ATP1A4: variants seen among roughly 807,000 people sequenced by gnomAD.
The protein encoded by ATP1A4 is sodium/potassium-transporting ATPase subunit alpha-4.
Under a neutral mutation model 114.3 loss-of-function variants are expected in ATP1A4, and 90 were observed. The observed-to-expected ratio is 0.79, with a 90% CI of 0.66 to 0.94. The LOEUF (loss-of-function observed/expected upper bound fraction) is 0.94. Among genes scored for constraint, ATP1A4 ranks in the 40% least tolerant of loss-of-function variants. ATP1A4 has a pLI of 0.00. For missense variants in ATP1A4, 1,222 were observed against 1,313.6 expected (o/e 0.93, Z 1.08); for synonymous variants, 511 against 494.1 (o/e 1.03, Z -0.45).
At chr1:160,185,995 TA>T (rs1443712109) in intron 20 of ATP1A4, among the ~76,000 whole-genome samples, 3 of 141,514 alleles carry the variant, frequency 2.1e-5, no homozygotes, top group Admixed American at 1.5e-4. Context: ...CTCAGGAGGC[TA>T]AGGCATGAGA....
chr1:160,171,198 CT>C (rs1571025018), intron 10 of ATP1A4, 52 bp from the exon 11 acceptor site: 2 of 1,499,098 alleles, frequency 1.3e-6, no homozygotes, highest in Non-Finnish European at 9.0e-7. Context: ...CTTTTTGCCC[CT>C]GATCCTTGGT....
At chr1:160,158,887 G>GT in intron 4 of ATP1A4, 115 bp from the exon 5 acceptor site, 7 of 1,136,714 alleles carry the variant, frequency 6.2e-6, no homozygotes, top group Admixed American at 2.6e-5. Context: ...TGTGGTGGGT[G>GT]ACAGTAAGAA....
Position 160,171,406 on chromosome 1 carries a change from C to T in ATP1A4, c.1647C>T (p.Tyr549=), listed in dbSNP as rs625549. The part of the protein sequence containing the change: ...DEMKEAFQNA[Y]LELGGLGERV... The stretch of plus-strand genomic sequence containing the variant: ...TGAAGGAAGCCTTCCAAAATGCCTA[C>T]TTAGAACTGGGAGGTCTGGGGGAAC... Residue 549 remains tyrosine, a synonymous_variant, in exon 11 of 22, where the codon TAC becomes TAT. Transcript: ENST00000368081. 1 allele frequency: 1,612,160 copies of T among 1,614,176 alleles called. 805,097 individuals are homozygous for T. Among genetic ancestry groups the T allele is most frequent in the East Asian group, 1 (44,880 of 44,880 alleles).
chr1:160,184,554 A>G (rs1653817335), intron 20 of ATP1A4, among the ~76,000 whole-genome samples: 1 of 152,178 alleles, frequency 6.6e-6, no homozygotes, highest in African/African-American at 2.4e-5. Context: ...CTCTAAAAAA[A>G]ACATTAAATG....
intron 6 of ATP1A4, among the ~76,000 whole-genome samples, chr1:160,161,352 G>A (rs1333714620): frequency 2.0e-5 from 3 of 152,112 alleles, no homozygotes; most frequent in Non-Finnish European, 4.4e-5. Flanking sequence ...TTCTCTTTGG[G>A]TTCTCATGCA....
chr1:160,182,084 C>A, intron 20 of ATP1A4, 53 bp downstream of exon 20: 1 of 1,434,068 alleles, frequency 7.0e-7, no homozygotes, highest in Non-Finnish European at 9.8e-7. Context: ...GGGGAGCATA[C>A]AGAGGAAGGG....
At position 160,173,632 on chromosome 1, in the gene ATP1A4, G is replaced by T. The variant is rs147400973; in HGVS notation, c.1906G>T (p.Gly636Cys). Reference protein sequence around the residue: ...HPITAKAIAKGVGIISEGTET... With the variant: ...HPITAKAIAKCVGIISEGTET... Reference sequence around the variant, plus strand: ...CATTACAGCTAAGGCCATTGCCAAGGGTGTGGGCATCATCTCAGAAGGCAC... The same window carrying T: ...CATTACAGCTAAGGCCATTGCCAAGTGTGTGGGCATCATCTCAGAAGGCAC... The change falls in exon 13 of 22, where the codon GGT becomes TGT. Residue 636 changes from glycine to cysteine, a missense_variant. Coordinates refer to ENST00000368081, the MANE Select transcript of ATP1A4 (RefSeq NM_144699.4). The T allele has an allele frequency of 7.4e-6, 12 of 1,614,064 alleles. No homozygotes were observed. Among genetic ancestry groups the T allele is most frequent in the African/African-American group, 1.3e-5 (1 of 74,928 alleles).
rs1235315277 is a variant in ATP1A4 at position 160,171,583 on chromosome 1, A to G, written c.1682-2A>G. 6.2e-7 allele frequency: 1 copy of G among 1,613,398 alleles called. No homozygotes were observed. Among genetic ancestry groups the G allele is most frequent in the East Asian group, 2.2e-5 (1 of 44,884 alleles). Reference sequence around the variant, plus strand: ...CTGGTCCCTCCCTCTGTCTCTCTCCAGGCTTCTGCTTCTTGAATCTGCCTA... The same window carrying G: ...CTGGTCCCTCCCTCTGTCTCTCTCCGGGCTTCTGCTTCTTGAATCTGCCTA... On this transcript the variant is annotated splice_acceptor_variant, in intron 11 of 21. Transcript: ENST00000368081. LOFTEE classifies it high-confidence loss of function.
Position 160,167,422 on chromosome 1 carries a change from C to A in ATP1A4, c.1491+10C>A, listed in dbSNP as rs1363997936. 1.2e-6 allele frequency: 2 copies of A among 1,610,378 alleles called. No homozygotes were observed. The highest frequency in any genetic ancestry group is 1.7e-6 in the Non-Finnish European group (2 of 1,179,064). ...TACCAACAAGTACCAGGTACAGAAC[C>A]CACAAAGGTAGGAGAATGGTGGTGG... On this transcript the variant is annotated intron_variant, in intron 10 of 21. Transcript: ENST00000368081.
chr1:160,182,373 C>A (rs1557809299), intron 20 of ATP1A4, among the ~76,000 whole-genome samples: 1 of 152,148 alleles, frequency 6.6e-6, no homozygotes, highest in Non-Finnish European at 1.5e-5. Flanking sequence ...ATAGCCTAAT[C>A]TATGCTTAGC....
rs1183686044 is a variant in ATP1A4, at chr1:160,167,403, C to G, written c.1482C>G (p.Asn494Lys). 5 of 1,612,688 alleles carry G rather than the reference C, an allele frequency of 3.1e-6. No homozygotes were observed. The highest frequency in any genetic ancestry group is 2.7e-5 in the African/African-American group (2 of 74,772). Residue 494 changes from asparagine (N) to lysine (K), a missense_variant, in exon 10 of 22, where the codon AAC becomes AAG. Asn to Lys is a moderately conservative substitution (Grantham distance 94). Transcript: ENST00000368081. ...CAGAGATTCCCTTTAATTCTACCAA[C>G]AAGTACCAGGTACAGAACCCACAAA... ...KVAEIPFNSTNKYQMSIHLRE... is the reference protein window; with the variant it reads ...KVAEIPFNSTKKYQMSIHLRE...
chr1:160,163,217 G>A (rs890000053), intron 6 of ATP1A4, among the ~76,000 whole-genome samples: 2 of 151,906 alleles, frequency 1.3e-5, no homozygotes, highest in Non-Finnish European at 2.9e-5. Context: ...ACACTTCTGT[G>A]TCCAACATGT....
intron 6 of ATP1A4, 125 bp from the exon 7 acceptor site, chr1:160,164,031 T>C: frequency 8.1e-7 from 1 of 1,232,560 alleles, no homozygotes; most frequent in Non-Finnish European, 1.1e-6. Context: ...AACAAAAGAT[T>C]CTCCTAGCAC....
chr1:160,173,364 C>G (rs1294144283), intron 12 of ATP1A4, among the ~76,000 whole-genome samples: 1 of 152,138 alleles, frequency 6.6e-6, no homozygotes, highest in African/African-American at 2.4e-5. Context: ...AATCTAGGAC[C>G]CAAATTGTCC....
chr1:160,186,867 G>A lies in ATP1A4; in HGVS notation c.*168G>A, dbSNP rs768362482. On this transcript the variant is annotated 3_prime_UTR_variant, in exon 22 of 22. Transcript: ENST00000368081. ...GAGGGAATCATGGGCAGAGGATGAGGTGGGCTGAAGGGAAGCCCAGCCTGC... is the reference window on the plus strand; with the variant it reads ...GAGGGAATCATGGGCAGAGGATGAGATGGGCTGAAGGGAAGCCCAGCCTGC... 23 of 791,170 alleles carry A rather than the reference G, an allele frequency of 2.9e-5. No individual in the cohort carries two copies. Among genetic ancestry groups the A allele is most frequent in the Non-Finnish European group, 3.9e-5 (19 of 482,178 alleles). 49.0% of individuals were successfully genotyped at this position (791,170 alleles called of 1,614,324 possible).
At position 160,166,496 on chromosome 1, in the gene ATP1A4, A is replaced by G. The variant is rs765502624; in HGVS notation, c.1048-32A>G. The G allele has an allele frequency of 5.0e-6, 8 of 1,611,560 alleles. No individual in the cohort carries two copies. In the South Asian group the frequency reaches 8.8e-5, roughly 18 times the overall value. On this transcript the variant is annotated intron_variant, in intron 7 of 21. Coordinates refer to ENST00000368081, the MANE Select transcript of ATP1A4 (RefSeq NM_144699.4). ...AAATGGTGTGAGTATTCCATCTCCC[A>G]TGTGTATTCTCTCCTCTCTTCTTGG...
At chr1:160,175,543 A>G (rs991486911) in intron 15 of ATP1A4, among the ~76,000 whole-genome samples, 3 of 152,106 alleles carry the variant, frequency 2.0e-5, no homozygotes, top group Non-Finnish European at 2.9e-5. Flanking sequence ...GACAAACAAT[A>G]AAATAATTAA....
intron 9 of ATP1A4, 93 bp from the exon 10 acceptor site, chr1:160,167,180 CGCCCT>C: frequency 6.4e-7 from 1 of 1,561,902 alleles, no homozygotes; most frequent in Non-Finnish European, 8.8e-7. Context: ...CCCAGGTACC[CGCCCT>C]CCCCATTTGT....
At chr1:160,178,669 G>A (rs1323667990) in intron 18 of ATP1A4, among the ~76,000 whole-genome samples, 6 of 146,292 alleles carry the variant, frequency 4.1e-5, no homozygotes, top group Admixed American at 2.0e-4. Context: ...GCGAGACTCC[G>A]TCTCAAAGAA....
Sources: allele counts gnomAD v4.1 joint callset (sites outside exome capture counted in the v4.1 genomes callset), GRCh38; gene constraint gnomAD v4.1.1; transcripts MANE v1.5; gene names NCBI Gene and HGNC (gene_info 2026-07-23, HGNC 2026-07-21).